Variants in GTF2I observed in about 807,000 individuals in gnomAD.
GTF2I encodes the protein general transcription factor IIi, also known as general transcription factor II-I.
A neutral mutation model predicts 67.6 loss-of-function variants in GTF2I; 12 were observed. The ratio of observed to expected loss-of-function variants is 0.18; its 90% CI spans 0.11 to 0.29. The LOEUF (loss-of-function observed/expected upper bound fraction) is 0.29, where lower values mean the gene tolerates loss of function less well. Among genes scored for constraint, GTF2I ranks in the 10% least tolerant of loss-of-function variants. GTF2I has a pLI of 1.00. For missense variants in GTF2I, 271 were observed against 580.1 expected (o/e 0.47, Z 5.47); for synonymous variants, 149 against 197.0 (o/e 0.76, Z 2.04).
At chr7:74,673,967 C>T (rs1805681657) in intron 1 of GTF2I, among the ~76,000 whole-genome samples, 1 of 151,964 alleles carries the variant, frequency 6.6e-6, no homozygotes, top group South Asian at 2.1e-4. Flanking sequence ...GCGTGAGCCA[C>T]CGCGCCTGGC....
At chr7:74,728,228 G>A (rs1300721752) in intron 12 of GTF2I, among the ~76,000 whole-genome samples, 1 of 152,162 alleles carries the variant, frequency 6.6e-6, no homozygotes, top group African/African-American at 2.4e-5. Context: ...CTTGAGCCCA[G>A]GAGGTGGAGG....
rs587656081 is a variant in GTF2I at position 74,700,360 on chromosome 7, G to A, written c.487G>A (p.Glu163Lys). 14 of 1,614,120 alleles carry A rather than the reference G, an allele frequency of 8.7e-6. No individual in the cohort carries two copies. In the East Asian group the frequency reaches 8.9e-5, roughly 10 times the overall value. The change falls in exon 5 of 35, where the codon GAG (glutamate) becomes AAG (lysine). Residue 163 changes from glutamate (E) to lysine (K), a missense_variant. Around this residue, in one of 9 missense-constraint regions of GTF2I, gnomAD observed 38 missense variants for 87.8 expected, o/e 0.43. Coordinates refer to ENST00000573035, the MANE Select transcript of GTF2I (RefSeq NM_032999.4). ...GGAAGGTGTTGCCTTTAAACACCCC[G>A]AGAACTATGATCTTGCAACCCTGAA... Reference protein sequence around the residue: ...LPEGVAFKHPENYDLATLKWI... With the variant: ...LPEGVAFKHPKNYDLATLKWI...
chr7:74,727,369 C>T (rs1793983917), intron 12 of GTF2I: 1 of 152,206 alleles, frequency 6.6e-6, no homozygotes, highest in Non-Finnish European at 1.5e-5. Flanking sequence ...CCCCGGGCAA[C>T]ATCGTATATT....
At chr7:74,683,137 C>G (rs1554394509) in intron 1 of GTF2I, among the ~76,000 whole-genome samples, 1 of 152,082 alleles carries the variant, frequency 6.6e-6, no homozygotes, top group African/African-American at 2.4e-5. Context: ...CGAAGGATAC[C>G]ATTTCATAGT....
At chr7:74,662,494 G>A (rs1278135314) in intron 1 of GTF2I, among the ~76,000 whole-genome samples, 2 of 131,604 alleles carry the variant, frequency 1.5e-5, no homozygotes, top group Admixed American at 8.5e-5. Context: ...ACAGGCGTGA[G>A]CCACTGCACC....
intron 1 of GTF2I, among the ~76,000 whole-genome samples, chr7:74,678,702 ACAGTACCTGGAAG>A (rs1359625245): frequency 6.6e-6 from 1 of 152,154 alleles, no homozygotes; most frequent in Non-Finnish European, 1.5e-5. Flanking sequence ...AGTTTGCCTG[ACAGTACCTGGAAG>A]CAGTGTTTTG....
At chr7:74,693,126 G>C (rs1317214250) in intron 3 of GTF2I, among the ~76,000 whole-genome samples, 1 of 151,412 alleles carries the variant, frequency 6.6e-6, no homozygotes, top group East Asian at 1.9e-4. Context: ...TTGAAGATTT[G>C]TGGCAACCTT....
chr7:74,659,660 A>C (rs1804294145), intron 1 of GTF2I, among the ~76,000 whole-genome samples: 1 of 151,984 alleles, frequency 6.6e-6, no homozygotes, highest in Non-Finnish European at 1.5e-5. Flanking sequence ...CTGCCACCAA[A>C]GTGCTGGGAT....
At chr7:74,724,069 C>T (rs1457645747) in intron 12 of GTF2I, among the ~76,000 whole-genome samples, 1 of 152,138 alleles carries the variant, frequency 6.6e-6, no homozygotes, top group Non-Finnish European at 1.5e-5. Context: ...TCTTAAATGT[C>T]TCTGCAGCAC....
At chr7:74,685,513 G>C (rs896199737) in intron 1 of GTF2I, among the ~76,000 whole-genome samples, 10 of 151,354 alleles carry the variant, frequency 6.6e-5, no homozygotes, top group African/African-American at 2.4e-4. Context: ...AAAACAAAAG[G>C]CCGGGCGTGG....
intron 1 of GTF2I, among the ~76,000 whole-genome samples, chr7:74,660,682 C>T (rs1804405653): frequency 7.2e-6 from 1 of 139,556 alleles, no homozygotes; most frequent in African/African-American, 2.6e-5. Context: ...AGTGCAGTGG[C>T]GCGATCTCGG....
At chr7:74,675,558 G>C (rs1010187328) in intron 1 of GTF2I, among the ~76,000 whole-genome samples, 3 of 150,568 alleles carry the variant, frequency 2.0e-5, no homozygotes, top group Non-Finnish European at 4.4e-5. Flanking sequence ...TGTTTTTTTT[G>C]GGGGGGGCAG....
At chr7:74,715,020 C>G in intron 10 of GTF2I, 104 bp downstream of exon 10, 1 of 638,596 alleles carries the variant, frequency 1.6e-6, no homozygotes, top group Non-Finnish European at 2.5e-6. Context: ...TATTACTTTT[C>G]TAAATGGAAA....
chr7:74,668,725 C>T lies in GTF2I; in HGVS notation c.-6+10657C>T, dbSNP rs1236446602. 2.6e-5 allele frequency among the ~76,000 whole-genome samples: 4 copies of T among 151,888 alleles called. No homozygotes were observed. In the South Asian group the frequency reaches 8.3e-4, roughly 32 times the overall value. The stretch of plus-strand genomic sequence containing the variant: ...AGTAGCTGGGATTACAGGAGCCGGC[C>T]ACCACGCCTGGCTAATTTTTGTATT... On this transcript the variant is annotated intron_variant, in intron 1 of 34. Coordinates refer to ENST00000573035, the MANE Select transcript of GTF2I (RefSeq NM_032999.4).
At chr7:74,749,892 A>G (rs1330788946) in intron 26 of GTF2I, among the ~76,000 whole-genome samples, 41 of 149,650 alleles carry the variant, frequency 2.7e-4, no homozygotes, top group African/African-American at 9.5e-4. Context: ...CCATCTCAAA[A>G]ACAAAAAAAA....
At chr7:74,707,038 C>T (rs181659110) in intron 8 of GTF2I, among the ~76,000 whole-genome samples, 608 of 152,140 alleles carry the variant, frequency 4.0e-3, no homozygotes, top group Non-Finnish European at 7.1e-3. Flanking sequence ...TTAGTAGCGA[C>T]GGGGTTTCGC....
chr7:74,723,426 C>CTATTTTTTTTTTT (rs1584282894), intron 12 of GTF2I, among the ~76,000 whole-genome samples: 1 of 28,944 alleles, frequency 3.5e-5, no homozygotes, highest in African/African-American at 1.5e-4. Context: ...CGCTCCCGGC[C>CTATTTTTTTTTTT]TCTTTTTTTT....
In GTF2I at chr7:74,680,165, C is replaced by CAT. The variant is rs1307756688; in HGVS notation, c.-5-8951_-5-8950dup. ...ATATATATATGTATGTATATACACACATATATATAATTTTATATATTTATT... is the reference window on the plus strand; with the variant it reads ...ATATATATATGTATGTATATACACACATATATATATAATTTTATATATTTATT... On this transcript the variant is annotated intron_variant, in intron 1 of 34. Transcript: ENST00000573035. Among the ~76,000 whole-genome samples, 30 of 138,112 alleles carry CAT rather than the reference C, an allele frequency of 2.2e-4. 1 individual carries two copies. Among genetic ancestry groups the CAT allele is most frequent in the African/African-American group, 4.2e-4 (16 of 37,684 alleles). The allele number at this position is 138,112 out of a possible 152,430, so 90.6% of individuals were successfully genotyped here.
intron 3 of GTF2I, among the ~76,000 whole-genome samples, chr7:74,692,273 C>G (rs1554397254): frequency 6.6e-6 from 1 of 151,688 alleles, no homozygotes; most frequent in African/African-American, 2.4e-5. Context: ...CAGGGTTTCT[C>G]CATGTTGGCC....
Sources: gnomAD v4.1 joint callset for allele counts (sites outside exome capture counted in the v4.1 genomes callset) on GRCh38, gnomAD v4.1.1 for gene constraint, gnomAD v4.1.1 regional missense constraint, MANE v1.5 for transcripts, NCBI Gene and HGNC (gene_info 2026-07-23, HGNC 2026-07-21) for gene names.